Variants in KCNIP1 observed in about 807,000 individuals in gnomAD.
The protein encoded by KCNIP1 is A-type potassium channel modulatory protein KCNIP1.
Under a neutral mutation model 33.0 loss-of-function variants are expected in KCNIP1, and 18 were observed. That is an observed-to-expected ratio of 0.55 (90% confidence interval 0.38 to 0.81). The LOEUF (loss-of-function observed/expected upper bound fraction) is 0.81, where lower values mean the gene tolerates loss of function less well. Ranked by LOEUF, KCNIP1 falls within the 30% of genes least tolerant of loss-of-function variation. The pLI is 0.00. For synonymous variants in KCNIP1, 93 were observed against 98.3 expected (o/e 0.95, Z 0.32); for missense variants, 238 against 271.6 (o/e 0.88, Z 0.87).
intron 1 of KCNIP1, among the ~76,000 whole-genome samples, chr5:170,519,465 G>A (rs1278492554): frequency 6.6e-6 from 1 of 152,186 alleles, no homozygotes; most frequent in Non-Finnish European, 1.5e-5. Context: ...GTTTTTCCCT[G>A]GTGGTGTGGC....
chr5:170,471,157 G>T (rs528865297), intron 1 of KCNIP1, among the ~76,000 whole-genome samples: 82 of 152,286 alleles, frequency 5.4e-4, no homozygotes, highest in African/African-American at 1.9e-3. Context: ...CCATGCTTGG[G>T]GAGAGGAGTG....
chr5:170,619,588 C>T (rs1157050770), intron 1 of KCNIP1, among the ~76,000 whole-genome samples: 1 of 152,076 alleles, frequency 6.6e-6, no homozygotes, highest in Admixed American at 6.6e-5. Flanking sequence ...ATGAAGGTGC[C>T]CACAGCATCC....
intron 1 of KCNIP1, among the ~76,000 whole-genome samples, chr5:170,631,918 C>T (rs1345883346): frequency 1.3e-5 from 2 of 152,250 alleles, no homozygotes; most frequent in South Asian, 2.1e-4. Flanking sequence ...GCCATAGGTC[C>T]AAATCCCGCC....
intron 1 of KCNIP1, among the ~76,000 whole-genome samples, chr5:170,692,616 C>A (rs564661683): frequency 1.3e-5 from 2 of 152,298 alleles, no homozygotes; most frequent in South Asian, 4.1e-4. Flanking sequence ...CTTAGCTTGT[C>A]TAATGACAAA....
chr5:170,458,297 C>T lies in KCNIP1; in HGVS notation c.88+104333C>T, dbSNP rs192407393. 3.0e-3 allele frequency among the ~76,000 whole-genome samples: 464 copies of T among 152,270 alleles called. 4 individuals are homozygous for T. Among genetic ancestry groups the T allele is most frequent in the African/African-American group, 0.01 (435 of 41,558 alleles). The stretch of plus-strand genomic sequence containing the variant: ...TTCGGGGGAATAATCAAGGAAAACT[C>T]CCCCAGCCTTGCTAGAGCCCTAGAC... On this transcript the variant is annotated intron_variant, in intron 1 of 7. Coordinates refer to the KCNIP1 transcript ENST00000377360.
chr5:170,735,882 T>C lies in KCNIP1; in HGVS notation c.*76T>C. 2 of 1,310,098 alleles carry C rather than the reference T, an allele frequency of 1.5e-6. No homozygotes were observed. Among genetic ancestry groups the C allele is most frequent in the Non-Finnish European group, 2.2e-6 (2 of 908,518 alleles). The allele number at this position is 1,310,098 out of a possible 1,614,324, so 81.2% of individuals were successfully genotyped here. On this transcript the variant is annotated 3_prime_UTR_variant, in exon 8 of 8. Coordinates refer to ENST00000328939, the MANE Select transcript of KCNIP1 (RefSeq NM_014592.4). ...CCTTAACACCCTGATCTGCCCTTGT[T>C]CTGATTTTACACACCAACTCTTGGG... is the stretch of plus-strand genomic sequence containing the variant.
chr5:170,733,733 G>T, intron 6 of KCNIP1, 103 bp from the exon 7 acceptor site: 1 of 932,294 alleles, frequency 1.1e-6, no homozygotes, highest in Non-Finnish European at 1.7e-6. Flanking sequence ...TGAATGAAAT[G>T]AGCTCCAGCT....
chr5:170,638,109 G>A (rs1266486305), intron 1 of KCNIP1, among the ~76,000 whole-genome samples: 1 of 152,058 alleles, frequency 6.6e-6, no homozygotes, highest in Admixed American at 6.5e-5. Context: ...CAGCAAGAGG[G>A]CCTGGCATTG....
At chr5:170,556,087 G>T (rs376599196) in intron 1 of KCNIP1, among the ~76,000 whole-genome samples, 2 of 152,176 alleles carry the variant, frequency 1.3e-5, no homozygotes, top group East Asian at 1.9e-4. Context: ...TATGTACGAG[G>T]CACGGGATTA....
intron 1 of KCNIP1, among the ~76,000 whole-genome samples, chr5:170,577,861 A>G (rs1226178399): frequency 6.6e-6 from 1 of 152,254 alleles, no homozygotes; most frequent in African/African-American, 2.4e-5. Context: ...CAAGAGCTTC[A>G]TTGATATTGA....
At chr5:170,554,638 G>A (rs532015900) in intron 1 of KCNIP1, among the ~76,000 whole-genome samples, 1 of 152,318 alleles carries the variant, frequency 6.6e-6, no homozygotes, top group South Asian at 2.1e-4. Flanking sequence ...GGCCAGACTC[G>A]AGGATGTGAG....
intron 1 of KCNIP1, among the ~76,000 whole-genome samples, chr5:170,629,347 G>A (rs766472386): frequency 3.3e-5 from 5 of 152,284 alleles, no homozygotes; most frequent in East Asian, 1.9e-4. Context: ...GTAAATGATC[G>A]GATAGGCTAA....
chr5:170,646,116 C>G (rs1351812981), intron 1 of KCNIP1, among the ~76,000 whole-genome samples: 1 of 152,146 alleles, frequency 6.6e-6, no homozygotes, highest in African/African-American at 2.4e-5. Context: ...CCTTTCGAAA[C>G]AGAAAGCACC....
At chr5:170,427,411 T>A (rs1240373569) in intron 1 of KCNIP1, among the ~76,000 whole-genome samples, 2 of 152,154 alleles carry the variant, frequency 1.3e-5, no homozygotes, top group African/African-American at 4.8e-5. Context: ...TCTCATCTAA[T>A]CCTCACTGCT....
intron 1 of KCNIP1, among the ~76,000 whole-genome samples, chr5:170,492,876 A>C (rs1757234231): frequency 6.6e-6 from 1 of 152,136 alleles, no homozygotes; most frequent in African/African-American, 2.4e-5. Context: ...CAGCCTCCCA[A>C]GTAGCTGGGA....
intron 5 of KCNIP1, among the ~76,000 whole-genome samples, chr5:170,725,221 A>C (rs988876071): frequency 6.6e-6 from 1 of 152,176 alleles, no homozygotes; most frequent in Middle Eastern, 3.2e-3. Context: ...AGATATCTGC[A>C]CTCCCATGTT....
chr5:170,506,956 G>T (rs926571947), intron 1 of KCNIP1, among the ~76,000 whole-genome samples: 4 of 152,230 alleles, frequency 2.6e-5, no homozygotes, highest in African/African-American at 7.2e-5. Flanking sequence ...AAACCTGGAG[G>T]AAGCCCTGGC....
chr5:170,520,210 G>T, intron 1 of KCNIP1, among the ~76,000 whole-genome samples: 1 of 152,186 alleles, frequency 6.6e-6, no homozygotes. Context: ...GTCCTATGAA[G>T]CAGATGCTGT....
chr5:170,478,464 G>A (rs1756904225), intron 1 of KCNIP1, among the ~76,000 whole-genome samples: 2 of 152,000 alleles, frequency 1.3e-5, no homozygotes, highest in Non-Finnish European at 1.5e-5. Flanking sequence ...CTGATGGAGT[G>A]TAGATCCCTC....
Sources: allele counts gnomAD v4.1 joint callset (sites outside exome capture counted in the v4.1 genomes callset), GRCh38; gene constraint gnomAD v4.1.1; transcripts MANE v1.5; gene names NCBI Gene and HGNC (gene_info 2026-07-23, HGNC 2026-07-21).